Variants in SMYD3 observed in about 807,000 individuals in gnomAD.
The protein encoded by SMYD3 is SET and MYND domain containing 3.
In SMYD3, 36 loss-of-function variants were observed where a neutral mutation model predicts 57.7. The ratio of observed to expected loss-of-function variants is 0.62; its 90% confidence interval spans 0.48 to 0.82. The LOEUF (loss-of-function observed/expected upper bound fraction) is 0.82. Among genes scored for constraint, SMYD3 ranks in the 40% least tolerant of loss-of-function variants. The pLI, the probability that SMYD3 is intolerant of heterozygous loss-of-function variation, is 0.00. For missense variants in SMYD3, 515 were observed against 538.8 expected (o/e 0.96, Z 0.44); for synonymous variants, 211 against 195.0 (o/e 1.08, Z -0.68).
At chr1:246,250,470 GT>G (rs1440348467) in intron 5 of SMYD3, among the ~76,000 whole-genome samples, 2 of 152,128 alleles carry the variant, frequency 1.3e-5, no homozygotes, top group Non-Finnish European at 2.9e-5. Flanking sequence ...AAACACGTAA[GT>G]TTACAGAAAG....
chr1:246,470,235 T>C (rs1198574434), intron 1 of SMYD3, among the ~76,000 whole-genome samples: 4 of 152,212 alleles, frequency 2.6e-5, no homozygotes, highest in Non-Finnish European at 4.4e-5. Flanking sequence ...CTCATGCCTG[T>C]AATCCCAGCA....
At chr1:246,105,331 T>C (rs2061098526) in intron 5 of SMYD3, among the ~76,000 whole-genome samples, 2 of 151,928 alleles carry the variant, frequency 1.3e-5, no homozygotes, top group African/African-American at 4.8e-5. Context: ...TTTAGGAGGA[T>C]GAAATTTTCC....
intron 10 of SMYD3, among the ~76,000 whole-genome samples, chr1:245,777,972 C>A (rs144363059): frequency 2.6e-5 from 4 of 152,182 alleles, no homozygotes; most frequent in African/African-American, 7.2e-5. Flanking sequence ...CCCCCACCCC[C>A]CAAAGAAATA....
chr1:245,936,737 A>C (rs1349020577), intron 5 of SMYD3, among the ~76,000 whole-genome samples: 1 of 140,928 alleles, frequency 7.1e-6, no homozygotes, highest in Non-Finnish European at 1.5e-5. Context: ...ACTATAAAAA[A>C]TACAAAAATT....
chr1:245,872,404 TTCTC>T (rs879644094), intron 8 of SMYD3, among the ~76,000 whole-genome samples: 27,696 of 151,128 alleles, frequency 0.18, 3,590 homozygotes, highest in East Asian at 0.6. Context: ...GGATGTCCTC[TTCTC>T]AGATGAGAGA....
chr1:246,013,731 TA>T (rs1293922410), intron 5 of SMYD3, among the ~76,000 whole-genome samples: 1 of 152,124 alleles, frequency 6.6e-6, no homozygotes, highest in Non-Finnish European at 1.5e-5. Flanking sequence ...CAAAAATGTA[TA>T]AAAGTCAATG....
At chr1:246,384,813 T>A (rs1419375393) in intron 1 of SMYD3, among the ~76,000 whole-genome samples, 2 of 152,214 alleles carry the variant, frequency 1.3e-5, no homozygotes, top group African/African-American at 4.8e-5. Flanking sequence ...GACAGCTCAG[T>A]AAAAGACAAC....
chr1:246,308,526 T>C (rs906347647), intron 5 of SMYD3, among the ~76,000 whole-genome samples: 9 of 152,154 alleles, frequency 5.9e-5, no homozygotes, highest in Non-Finnish European at 1.2e-4. Flanking sequence ...GAGAGTTTCG[T>C]CCCAGAAGAA....
chr1:246,307,482 T>G (rs796576848), intron 5 of SMYD3, among the ~76,000 whole-genome samples: 81 of 142,810 alleles, frequency 5.7e-4, no homozygotes, highest in African/African-American at 1.1e-3. Flanking sequence ...TGCAGTGGCG[T>G]GATCTCGGCT....
chr1:246,239,270 C>T (rs2063562569), intron 5 of SMYD3, among the ~76,000 whole-genome samples: 1 of 152,122 alleles, frequency 6.6e-6, no homozygotes, highest in African/African-American at 2.4e-5. Context: ...ATGACAGGCC[C>T]TGGTGTGTGA....
intron 1 of SMYD3, among the ~76,000 whole-genome samples, chr1:246,387,465 C>T (rs761930940): frequency 7.9e-5 from 12 of 152,220 alleles, no homozygotes; most frequent in Non-Finnish European, 1.8e-4. Context: ...AACATTTATT[C>T]ATCCCACAGA....
Position 245,850,376 on chromosome 1 carries a change from G to T in SMYD3, c.1076+8120C>A, listed in dbSNP as rs531050191. Among the ~76,000 whole-genome samples the T allele has an allele frequency of 1.4e-4, 22 of 152,250 alleles. 1 individual carries two copies. In the South Asian group the frequency reaches 3.5e-3, roughly 24 times the overall value. On this transcript the variant is annotated intron_variant, in intron 10 of 11. Transcript: ENST00000490107. ...ACACATTATTTTATAGTAAAGGTAG[G>T]TGAGAGTTTAAGTTTGATTCTAAAG...
chr1:245,979,225 T>A (rs540852748), intron 5 of SMYD3, among the ~76,000 whole-genome samples: 3 of 152,276 alleles, frequency 2.0e-5, no homozygotes, highest in African/African-American at 7.2e-5. Flanking sequence ...GATTTGGGAA[T>A]CTTTTCCAGG....
At chr1:246,325,384 A>G (rs936174576) in intron 5 of SMYD3, among the ~76,000 whole-genome samples, 1 of 152,062 alleles carries the variant, frequency 6.6e-6, no homozygotes, top group African/African-American at 2.4e-5. Flanking sequence ...AACTTTCACC[A>G]GAAAGTACAG....
intron 1 of SMYD3, among the ~76,000 whole-genome samples, chr1:246,454,270 A>C (rs2067670572): frequency 6.6e-6 from 1 of 152,142 alleles, no homozygotes; most frequent in South Asian, 2.1e-4. Context: ...CAGTCAAGCA[A>C]CCAGGCAACC....
chr1:246,262,560 C>T (rs11588588), intron 5 of SMYD3, among the ~76,000 whole-genome samples: 6,719 of 152,126 alleles, frequency 0.044, 231 homozygotes, highest in African/African-American at 0.086. Context: ...CCATTTTGTT[C>T]TTCCTTTCAG....
At chr1:246,009,060 C>T (rs1431311333) in intron 5 of SMYD3, among the ~76,000 whole-genome samples, 5 of 152,258 alleles carry the variant, frequency 3.3e-5, no homozygotes, top group African/African-American at 4.8e-5. Context: ...TGCTATGAAA[C>T]GACTGGCCCA....
At chr1:246,112,629 G>A (rs2061264610) in intron 5 of SMYD3, among the ~76,000 whole-genome samples, 1 of 152,020 alleles carries the variant, frequency 6.6e-6, no homozygotes, top group Admixed American at 6.6e-5. Flanking sequence ...TTTACACCGT[G>A]AATAATGTGT....
chr1:246,229,490 C>A (rs563775843), intron 5 of SMYD3, among the ~76,000 whole-genome samples: 1 of 152,258 alleles, frequency 6.6e-6, no homozygotes, highest in South Asian at 2.1e-4. Context: ...TTTACAATTG[C>A]CCTTTATCCA....
Sources: gnomAD v4.1 joint callset for allele counts (sites outside exome capture counted in the v4.1 genomes callset) on GRCh38, gnomAD v4.1.1 for gene constraint, MANE v1.5 for transcripts, NCBI Gene and HGNC (gene_info 2026-07-23, HGNC 2026-07-21) for gene names.